Variants in ZFAND3 observed in about 807,000 individuals in gnomAD.
The protein encoded by ZFAND3 is zinc finger AN1-type containing 3, also known as AN1-type zinc finger protein 3.
Under a neutral mutation model 29.6 loss-of-function variants are expected in ZFAND3, and 10 were observed. That is an observed-to-expected ratio of 0.34 (90% CI 0.21 to 0.57). The LOEUF is 0.57. Ranked by LOEUF, ZFAND3 falls within the 20% of genes least tolerant of loss-of-function variation. ZFAND3 has a pLI of 0.86. For missense variants in ZFAND3, 230 were observed against 304.5 expected, an observed-to-expected ratio of 0.76 and a Z score of 1.82; for synonymous variants, 128 against 112.6, an observed-to-expected ratio of 1.14 and a Z score of -0.87.
chr6:37,922,016 A>G (rs774988876), intron 1 of ZFAND3, among the ~76,000 whole-genome samples: 1 of 151,910 alleles, frequency 6.6e-6, no homozygotes, highest in South Asian at 2.1e-4. Context: ...GTGAGCCGAG[A>G]TCACACCACT....
At chr6:38,086,715 G>A (rs764969875) in intron 4 of ZFAND3, among the ~76,000 whole-genome samples, 83 of 152,206 alleles carry the variant, frequency 5.5e-4, no homozygotes, top group South Asian at 1.7e-3. Context: ...AATTTTATTT[G>A]GAAGGTATTT....
intron 2 of ZFAND3, among the ~76,000 whole-genome samples, chr6:38,055,580 CT>C (rs1453725968): frequency 6.6e-6 from 1 of 152,178 alleles, no homozygotes; most frequent in African/African-American, 2.4e-5. Context: ...GCGCTTAATT[CT>C]TAGTTCCTCT....
chr6:38,027,161 T>G (rs1763467110), intron 2 of ZFAND3, among the ~76,000 whole-genome samples: 1 of 152,220 alleles, frequency 6.6e-6, no homozygotes. Flanking sequence ...TACAAACATG[T>G]TTGTCTCTCA....
chr6:37,981,987 T>C (rs1762588423), intron 2 of ZFAND3, among the ~76,000 whole-genome samples: 1 of 152,174 alleles, frequency 6.6e-6, no homozygotes, highest in South Asian at 2.1e-4. Context: ...AAATGACAGT[T>C]TCATTCTTTT....
chr6:38,068,502 C>G (rs916346982), intron 3 of ZFAND3, among the ~76,000 whole-genome samples: 1 of 152,090 alleles, frequency 6.6e-6, no homozygotes, highest in Non-Finnish European at 1.5e-5. Context: ...ACACATGTTC[C>G]TAGAATCATC....
intron 1 of ZFAND3, among the ~76,000 whole-genome samples, chr6:37,918,002 T>G (rs1761290671): frequency 6.6e-6 from 1 of 152,222 alleles, no homozygotes; most frequent in Non-Finnish European, 1.5e-5. Flanking sequence ...TTGTAGATGT[T>G]CTGTCGGTAT....
intron 1 of ZFAND3, among the ~76,000 whole-genome samples, chr6:37,897,597 C>T (rs1765243113): frequency 6.6e-6 from 1 of 152,190 alleles, no homozygotes; most frequent in South Asian, 2.1e-4. Flanking sequence ...TACCAGTTTA[C>T]TCTCCCAGCA....
intron 1 of ZFAND3, among the ~76,000 whole-genome samples, chr6:37,917,814 A>C (rs865896188): frequency 6.6e-6 from 1 of 152,152 alleles, no homozygotes; most frequent in South Asian, 2.1e-4. Flanking sequence ...CTCTTTCACA[A>C]ACTCCCTGAG....
At chr6:37,887,870 A>G (rs1246985358) in intron 1 of ZFAND3, among the ~76,000 whole-genome samples, 3 of 152,224 alleles carry the variant, frequency 2.0e-5, no homozygotes, top group South Asian at 2.1e-4. Context: ...TTGGAAAACA[A>G]GTGGCCTTGG....
At chr6:37,968,742 CTGG>C (rs1762334887) in intron 2 of ZFAND3, among the ~76,000 whole-genome samples, 1 of 152,184 alleles carries the variant, frequency 6.6e-6, no homozygotes, top group Admixed American at 6.5e-5. Context: ...GTTGCTGGGG[CTGG>C]TGTTAAACTC....
chr6:38,105,321 CT>C (rs1467541577), intron 4 of ZFAND3, among the ~76,000 whole-genome samples: 2 of 152,102 alleles, frequency 1.3e-5, no homozygotes, highest in African/African-American at 4.8e-5. Flanking sequence ...GGGAGGATCG[CT>C]TGAGCCCAGG....
At chr6:38,119,658 C>T (rs573495522) in intron 5 of ZFAND3, among the ~76,000 whole-genome samples, 10 of 152,318 alleles carry the variant, frequency 6.6e-5, no homozygotes, top group South Asian at 2.1e-4. Flanking sequence ...GCAGGGAAGA[C>T]GCTCCAAAGG....
At chr6:38,106,045 C>T (rs1030386587) in intron 4 of ZFAND3, among the ~76,000 whole-genome samples, 2 of 152,126 alleles carry the variant, frequency 1.3e-5, no homozygotes, top group Admixed American at 1.3e-4. Flanking sequence ...ATCAAACTGG[C>T]ATTCTCCAAG....
chr6:38,142,441 C>T, intron 5 of ZFAND3: 1 of 450,094 alleles, frequency 2.2e-6, no homozygotes, highest in South Asian at 1.6e-5. Flanking sequence ...GAGTTACCCC[C>T]ATGGGCCCAG....
intron 1 of ZFAND3, among the ~76,000 whole-genome samples, chr6:37,908,542 T>TAAAAAAAAAAAAAAAAAAA (rs70981504): frequency 9.7e-5 from 12 of 124,126 alleles, no homozygotes; most frequent in Admixed American, 1.8e-4. Context: ...AAAAAAAAAT[T>TAAAAAAAAAAAAAAAAAAA]AAAAAAAAAA....
chr6:37,831,479 C>T (rs1470969369), intron 1 of ZFAND3, among the ~76,000 whole-genome samples: 1 of 152,196 alleles, frequency 6.6e-6, no homozygotes, highest in African/African-American at 2.4e-5. Context: ...GGTCTGGCTT[C>T]TGCCCTGAGA....
Position 37,820,033 on chromosome 6 carries a change from G to A in ZFAND3, c.71+17G>A. 8.3e-7 allele frequency: 1 copy of A among 1,206,974 alleles called. No individual in the cohort carries two copies. Among genetic ancestry groups the A allele is most frequent in the Non-Finnish European group, 1.0e-6 (1 of 975,708 alleles). 74.8% of individuals were successfully genotyped at this position (1,206,974 alleles called of 1,614,324 possible). ...CTTCTGGGGGTAAGTGCCCGGCCGG[G>A]TGGGGGCGGGGGGCGGGGGCCGGGG... On this transcript the variant is annotated intron_variant, in intron 1 of 5. Coordinates refer to ENST00000287218, the MANE Select transcript of ZFAND3 (RefSeq NM_021943.3).
At chr6:37,938,360 G>GT (rs1367709364) in intron 2 of ZFAND3, among the ~76,000 whole-genome samples, 3 of 152,110 alleles carry the variant, frequency 2.0e-5, no homozygotes, top group Non-Finnish European at 4.4e-5. Context: ...TGGTACTATT[G>GT]TAAGTGTACC....
At chr6:38,076,334 T>C (rs1257530126) in intron 3 of ZFAND3, among the ~76,000 whole-genome samples, 1 of 152,220 alleles carries the variant, frequency 6.6e-6, no homozygotes, top group Non-Finnish European at 1.5e-5. Context: ...CCAAAAAATT[T>C]GTGCAACTCG....
Sources: allele counts gnomAD v4.1 joint callset (sites outside exome capture counted in the v4.1 genomes callset), GRCh38; gene constraint gnomAD v4.1.1; transcripts MANE v1.5; gene names NCBI Gene and HGNC (gene_info 2026-07-23, HGNC 2026-07-21).